TMEM232: variants seen among roughly 807,000 people sequenced by gnomAD.
The protein encoded by TMEM232 is transmembrane protein 232.
Under a neutral mutation model 78.8 loss-of-function variants are expected in TMEM232, and 80 were observed. The observed-to-expected ratio is 1.01, with a 90% CI of 0.85 to 1.22. The LOEUF (loss-of-function observed/expected upper bound fraction) is 1.22, where lower values mean the gene tolerates loss of function less well. TMEM232 is among the 50% of genes most tolerant of loss of function. The pLI is 0.00. For synonymous variants in TMEM232, 297 were observed against 254.3 expected (o/e 1.17, Z -1.60); for missense variants, 881 against 742.2 (o/e 1.19, Z -2.17).
intron 11 of TMEM232, among the ~76,000 whole-genome samples, chr5:110,536,375 C>G (rs551672453): frequency 6.6e-6 from 1 of 152,190 alleles, no homozygotes; most frequent in East Asian, 1.9e-4. Context: ...TCTGGTGTTG[C>G]CTGAAGGCCA....
At chr5:110,430,263 CT>C (rs1365805322) in intron 12 of TMEM232, among the ~76,000 whole-genome samples, 2 of 151,438 alleles carry the variant, frequency 1.3e-5, no homozygotes, top group Non-Finnish European at 3.0e-5. Flanking sequence ...AAAGTTTTCT[CT>C]CGTTTAATTA....
intron 4 of TMEM232, among the ~76,000 whole-genome samples, chr5:110,388,597 A>G (rs1056100356): frequency 2.0e-5 from 3 of 152,170 alleles, no homozygotes; most frequent in East Asian, 1.9e-4. Flanking sequence ...TTCATGCACT[A>G]TGCATATGGG....
intron 1 of TMEM232, among the ~76,000 whole-genome samples, chr5:110,718,684 T>C (rs71575339): frequency 1.3e-5 from 2 of 152,070 alleles, no homozygotes; most frequent in Non-Finnish European, 2.9e-5. Context: ...GAATATTTTT[T>C]ATACTCCTTT....
intron 1 of TMEM232, among the ~76,000 whole-genome samples, chr5:110,691,565 T>A (rs1413447834): frequency 1.3e-5 from 2 of 152,210 alleles, no homozygotes; most frequent in East Asian, 3.8e-4. Flanking sequence ...ATATGCATAA[T>A]AAAAACTAGG....
chr5:110,388,707 A>T (rs1479957058), intron 4 of TMEM232, among the ~76,000 whole-genome samples: 1 of 152,162 alleles, frequency 6.6e-6, no homozygotes, highest in East Asian at 1.9e-4. Flanking sequence ...CTCATACAAA[A>T]GGGTTGAAGG....
At chr5:110,714,709 T>C (rs896383225) in intron 1 of TMEM232, among the ~76,000 whole-genome samples, 4 of 152,214 alleles carry the variant, frequency 2.6e-5, no homozygotes, top group African/African-American at 7.2e-5. Context: ...TTTAAGTGAC[T>C]GTCATTTAGA....
chr5:110,600,207 G>T (rs1232283587), intron 10 of TMEM232, among the ~76,000 whole-genome samples: 1 of 152,170 alleles, frequency 6.6e-6, no homozygotes, highest in Admixed American at 6.5e-5. Flanking sequence ...ACATCAGAAA[G>T]CGGGGAAGAT....
intron 12 of TMEM232, among the ~76,000 whole-genome samples, chr5:110,470,743 C>T (rs1762577054): frequency 6.6e-6 from 1 of 152,120 alleles, no homozygotes; most frequent in Non-Finnish European, 1.5e-5. Context: ...GAAAGTATTT[C>T]TCTATGAAAG....
chr5:110,644,853 T>A (rs1381089153), intron 2 of TMEM232, among the ~76,000 whole-genome samples: 1 of 151,284 alleles, frequency 6.6e-6, no homozygotes, highest in Non-Finnish European at 1.5e-5. Context: ...AACCATTAGC[T>A]AGAATAATCA....
intron 12 of TMEM232, among the ~76,000 whole-genome samples, chr5:110,467,464 C>A (rs1762207067): frequency 6.6e-6 from 1 of 152,144 alleles, no homozygotes; most frequent in Admixed American, 6.6e-5. Context: ...AATTCTAAAG[C>A]TTATGCAGTT....
At chr5:110,639,135 A>C (rs1052018377) in intron 4 of TMEM232, among the ~76,000 whole-genome samples, 3 of 152,148 alleles carry the variant, frequency 2.0e-5, no homozygotes, top group Admixed American at 2.0e-4. Flanking sequence ...ATAATGAGTA[A>C]GTAGGGAGGT....
chr5:110,531,448 A>C (rs1771460224), intron 11 of TMEM232, among the ~76,000 whole-genome samples: 1 of 152,208 alleles, frequency 6.6e-6, no homozygotes, highest in African/African-American at 2.4e-5. Flanking sequence ...GACCAGCCCA[A>C]GAAACATCTC....
At chr5:110,597,369 C>A (rs923796542) in intron 10 of TMEM232, among the ~76,000 whole-genome samples, 1 of 152,058 alleles carries the variant, frequency 6.6e-6, no homozygotes, top group African/African-American at 2.4e-5. Context: ...AAAGAGGATA[C>A]AAACAAATGG....
chr5:110,685,527 G>C (rs1026159067), intron 1 of TMEM232, among the ~76,000 whole-genome samples: 6 of 151,944 alleles, frequency 3.9e-5, no homozygotes, highest in Admixed American at 2.0e-4. Context: ...GAGGAATATA[G>C]AACAATGAAA....
At chr5:110,643,571 G>C (rs1787051299) in intron 2 of TMEM232, among the ~76,000 whole-genome samples, 1 of 152,024 alleles carries the variant, frequency 6.6e-6, no homozygotes, top group South Asian at 2.1e-4. Context: ...CAAAGGAATA[G>C]TGAACAGTAG....
chr5:110,420,551 A>G lies in TMEM232; in HGVS notation c.*29T>C, dbSNP rs1175119834. 5.0e-6 allele frequency: 7 copies of G among 1,394,900 alleles called. No individual in the cohort carries two copies. The highest frequency in any genetic ancestry group is 6.5e-6 in the Non-Finnish European group (7 of 1,073,720). The allele number at this position is 1,394,900 out of a possible 1,614,324, so 86.4% of individuals were successfully genotyped here. A position where few individuals can be genotyped will look rare whatever the true frequency, so the allele number is the denominator to read the frequency against. On this transcript the variant is annotated 3_prime_UTR_variant, in exon 14 of 14. Coordinates refer to ENST00000455884, the MANE Select transcript of TMEM232 (RefSeq NM_001039763.4). ...ATGTATTTCTGCCATGTAGTCCTCA[A>G]TTTTGGGAGGTGACATTTTCTTTTC...
chr5:110,718,961 T>C (rs1389010792), intron 1 of TMEM232, among the ~76,000 whole-genome samples: 1 of 152,056 alleles, frequency 6.6e-6, no homozygotes, highest in African/African-American at 2.4e-5. Context: ...TATATGTCAC[T>C]TAATGATGGA....
At chr5:110,642,450 C>T in intron 2 of TMEM232, 79 bp from the exon 3 acceptor site, 2 of 912,622 alleles carry the variant, frequency 2.2e-6, no homozygotes, top group South Asian at 1.9e-5. Context: ...CTTCCAGTGG[C>T]TATGTATAAC....
At chr5:110,537,516 T>A (rs993683613) in intron 11 of TMEM232, among the ~76,000 whole-genome samples, 1 of 152,138 alleles carries the variant, frequency 6.6e-6, no homozygotes, top group Admixed American at 6.6e-5. Flanking sequence ...GGGAAAGTCC[T>A]AAGGCAGAAC....
Sources: gnomAD v4.1 joint callset for allele counts (sites outside exome capture counted in the v4.1 genomes callset) on GRCh38, gnomAD v4.1.1 for gene constraint, MANE v1.5 for transcripts, NCBI Gene and HGNC (gene_info 2026-07-23, HGNC 2026-07-21) for gene names.